Variants in SCD5 observed in about 807,000 individuals in gnomAD.
SCD5 encodes the protein stearoyl-CoA desaturase 5, also known as acyl-CoA-desaturase 4.
Under a neutral mutation model 30.4 loss-of-function variants are expected in SCD5, and 20 were observed. That is an observed-to-expected ratio of 0.66 (90% confidence interval 0.46 to 0.96). SCD5 has a LOEUF of 0.96. Among genes scored for constraint, SCD5 ranks in the 40% least tolerant of loss-of-function variants. The probability of loss-of-function intolerance (pLI) is 0.00; values close to 1 mark genes in which losing one functional copy is unlikely to be tolerated. For missense variants in SCD5, 381 were observed against 443.3 expected, an observed-to-expected ratio of 0.86 and a Z score of 1.26; for synonymous variants, 173 against 176.4, an observed-to-expected ratio of 0.98 and a Z score of 0.16.
intron 2 of SCD5, among the ~76,000 whole-genome samples, chr4:82,684,729 C>A (rs946900643): frequency 6.6e-6 from 1 of 152,134 alleles, no homozygotes; most frequent in Non-Finnish European, 1.5e-5. Flanking sequence ...GGAAGCCATA[C>A]CCCCAGCGGT....
chr4:82,712,742 C>T (rs184269519), intron 1 of SCD5, among the ~76,000 whole-genome samples: 10 of 152,202 alleles, frequency 6.6e-5, no homozygotes, highest in Middle Eastern at 3.4e-3. Context: ...TGTGTGCATG[C>T]GCACATGTGT....
intron 1 of SCD5, among the ~76,000 whole-genome samples, chr4:82,763,907 C>A (rs1721430764): frequency 6.6e-6 from 1 of 152,238 alleles, no homozygotes; most frequent in South Asian, 2.1e-4. Context: ...AAGTTTTTAT[C>A]TCCACATGAG....
chr4:82,639,896 C>A (rs901993092), intron 3 of SCD5, among the ~76,000 whole-genome samples: 3 of 152,206 alleles, frequency 2.0e-5, no homozygotes, highest in African/African-American at 7.2e-5. Context: ...CTGTCCCCAC[C>A]CCCATCTTGC....
intron 1 of SCD5, among the ~76,000 whole-genome samples, chr4:82,750,960 G>A (rs17006275): frequency 0.019 from 2,922 of 152,242 alleles, 95 homozygotes; most frequent in African/African-American, 0.066. Context: ...TATGCTCTTA[G>A]ATCCGTGTTC....
chr4:82,773,553 C>A (rs906707034), intron 1 of SCD5, among the ~76,000 whole-genome samples: 3 of 152,194 alleles, frequency 2.0e-5, no homozygotes, highest in Non-Finnish European at 4.4e-5. Context: ...TCTTCCAAGG[C>A]TTAGAATCTC....
intron 1 of SCD5, among the ~76,000 whole-genome samples, chr4:82,708,000 G>A (rs771434404): frequency 9.2e-5 from 14 of 152,180 alleles, no homozygotes; most frequent in Non-Finnish European, 1.9e-4. Context: ...TTTCATTCAT[G>A]GAAGGAAGGT....
chr4:82,728,739 C>G (rs1295646897), intron 1 of SCD5, among the ~76,000 whole-genome samples: 3 of 152,116 alleles, frequency 2.0e-5, no homozygotes, highest in African/African-American at 7.2e-5. Context: ...CCATAAAAAC[C>G]CTAATCTCCA....
chr4:82,753,220 G>A (rs1721144961), intron 1 of SCD5: 1 of 424,036 alleles, frequency 2.4e-6, no homozygotes, highest in Admixed American at 2.5e-5. Flanking sequence ...AGAGTTACCT[G>A]GGGAGCTTTT....
At chr4:82,772,937 T>G (rs147522837) in intron 1 of SCD5, among the ~76,000 whole-genome samples, 1 of 152,320 alleles carries the variant, frequency 6.6e-6, no homozygotes, top group East Asian at 1.9e-4. Flanking sequence ...ATTCCAAAGA[T>G]GAACAAATAA....
chr4:82,648,823 T>C (rs1727684105), intron 3 of SCD5, among the ~76,000 whole-genome samples: 1 of 152,094 alleles, frequency 6.6e-6, no homozygotes, highest in Non-Finnish European at 1.5e-5. Context: ...ACACATGGGC[T>C]CTCGGTGAGA....
intron 3 of SCD5, among the ~76,000 whole-genome samples, chr4:82,647,882 C>T (rs1454722272): frequency 6.6e-6 from 1 of 152,186 alleles, no homozygotes; most frequent in African/African-American, 2.4e-5. Flanking sequence ...AAAATAAATA[C>T]ATAAATTGTA....
chr4:82,721,906 G>A (rs982898126), intron 1 of SCD5, among the ~76,000 whole-genome samples: 2 of 152,222 alleles, frequency 1.3e-5, no homozygotes, highest in Non-Finnish European at 2.9e-5. Flanking sequence ...GGGGAAAATA[G>A]AATCTTACAA....
chr4:82,758,260 G>C (rs1721272629), intron 1 of SCD5, among the ~76,000 whole-genome samples: 1 of 152,110 alleles, frequency 6.6e-6, no homozygotes. Flanking sequence ...GCCAGGAGTT[G>C]AACACCAGAC....
intron 1 of SCD5, among the ~76,000 whole-genome samples, chr4:82,757,493 G>A (rs549473692): frequency 1.7e-4 from 26 of 152,244 alleles, no homozygotes; most frequent in East Asian, 5.8e-4. Context: ...CTTTCTATTC[G>A]CATTTTACAG....
chr4:82,694,001 G>T (rs1719632335), intron 2 of SCD5, among the ~76,000 whole-genome samples: 1 of 152,230 alleles, frequency 6.6e-6, no homozygotes. Context: ...TGCAGGGTCT[G>T]GCTGCTGGGA....
intron 4 of SCD5, 44 bp downstream of exon 4, chr4:82,636,547 C>T: frequency 6.7e-7 from 1 of 1,499,532 alleles, no homozygotes; most frequent in South Asian, 1.2e-5. Flanking sequence ...CCAAGAAAAC[C>T]TGGGCCACCA....
At chr4:82,755,217 G>A (rs1039204727) in intron 1 of SCD5, among the ~76,000 whole-genome samples, 1 of 151,978 alleles carries the variant, frequency 6.6e-6, no homozygotes, top group African/African-American at 2.4e-5. Flanking sequence ...TGAAAGAAAG[G>A]GGCCAGGCAT....
At chr4:82,791,200 TGCACTCCAGCCTAG>T in intron 1 of SCD5, among the ~76,000 whole-genome samples, 1 of 151,816 alleles carries the variant, frequency 6.6e-6, no homozygotes, top group Non-Finnish European at 1.5e-5. Flanking sequence ...ATCGTGCCAC[TGCACTCCAGCCTAG>T]GAGACAGAGC....
At chr4:82,684,884 C>A (rs1195253486) in intron 2 of SCD5, among the ~76,000 whole-genome samples, 2 of 152,166 alleles carry the variant, frequency 1.3e-5, no homozygotes, top group Non-Finnish European at 2.9e-5. Context: ...CCATCATGAA[C>A]TGACTGTCAA....
Sources: gnomAD v4.1 joint callset for allele counts (sites outside exome capture counted in the v4.1 genomes callset) on GRCh38, gnomAD v4.1.1 for gene constraint, MANE v1.5 for transcripts, NCBI Gene and HGNC (gene_info 2026-07-23, HGNC 2026-07-21) for gene names.